Variants in SP3 observed in about 807,000 individuals in gnomAD.
The protein encoded by SP3 is Sp3 transcription factor, also known as transcription factor Sp3.
SP3 carries 10 observed loss-of-function variants against 70.3 expected under a neutral mutation model. That is an observed-to-expected ratio of 0.14 (90% CI 0.09 to 0.24). The LOEUF is 0.24. Among genes scored for constraint, SP3 ranks in the 10% least tolerant of loss-of-function variants. The probability of loss-of-function intolerance (pLI) is 1.00; values close to 1 mark genes in which losing one functional copy is unlikely to be tolerated. For missense variants in SP3, 825 were observed against 914.6 expected, an observed-to-expected ratio of 0.90 and a Z score of 1.26; for synonymous variants, 402 against 333.5, an observed-to-expected ratio of 1.21 and a Z score of -2.24.
Position 173,902,043 on chromosome 2 carries a change from C to G in SP3, c.*7898G>C, listed in dbSNP as rs1477411209. 7.2e-5 allele frequency among the ~76,000 whole-genome samples: 11 copies of G among 152,106 alleles called. No homozygotes were observed. The highest frequency in any genetic ancestry group is 7.2e-4 in the Admixed American group (11 of 15,282). On this transcript the variant is annotated 3_prime_UTR_variant, in exon 7 of 7. Transcript: ENST00000310015. ...AGTGGTCTACTATGTGAGAAGACCC[C>G]TACAGTGAGAGACTATGAGGACTAC...
At position 173,955,897 on chromosome 2, in the gene SP3, C is replaced by T; in HGVS notation, c.615G>A (p.Gln205=). 6.2e-7 allele frequency: 1 copy of T among 1,614,168 alleles called. No homozygotes were observed. Among genetic ancestry groups the T allele is most frequent in the South Asian group, 1.1e-5 (1 of 91,076 alleles). The change falls in exon 4 of 7, where the codon CAG becomes CAA. Residue 205 remains glutamine (Q), a synonymous_variant. Coordinates refer to ENST00000310015, the MANE Select transcript of SP3 (RefSeq NM_003111.5). ...GGINQESSQI[Q]IIPGSNQTLL... ...AGGTTTGATTAGAGCCAGGAATGAT[C>T]TGAATTTGACTGCTTTCTTGATTTA...
chr2:173,956,727 C>T (rs1690906613), intron 3 of SP3, among the ~76,000 whole-genome samples: 1 of 152,132 alleles, frequency 6.6e-6, no homozygotes, highest in Non-Finnish European at 1.5e-5. Context: ...ATGGCTAGGG[C>T]TATTCCATTA....
intron 4 of SP3, among the ~76,000 whole-genome samples, chr2:173,940,203 C>T (rs1280854114): frequency 1.3e-5 from 2 of 152,124 alleles, no homozygotes; most frequent in East Asian, 1.9e-4. Flanking sequence ...TCTAGGACAG[C>T]GGTCCCCAAC....
chr2:173,914,165 T>G (rs1411153855), intron 5 of SP3: 2 of 79,320 alleles, frequency 2.5e-5, no homozygotes, highest in African/African-American at 1.1e-4. Context: ...TCTCAACCTT[T>G]TAAAATAAAA....
chr2:173,907,313 CAAT>C lies in SP3; in HGVS notation c.*2625_*2627del, dbSNP rs1175938119. On this transcript the variant is annotated 3_prime_UTR_variant, in exon 7 of 7. Coordinates refer to ENST00000310015, the MANE Select transcript of SP3 (RefSeq NM_003111.5). ...GTATACCTACCCTGAGAATTATACA[CAAT>C]ACTAATAGGTTTTATAACCAGAAAA... 6.6e-6 allele frequency: 1 copy of C among 152,026 alleles called. No individual in the cohort carries two copies. The highest frequency in any genetic ancestry group is 1.5e-5 in the Non-Finnish European group (1 of 67,960). The allele number at this position is 152,026 out of a possible 1,614,324, so 9.4% of individuals were successfully genotyped here.
intron 4 of SP3, among the ~76,000 whole-genome samples, chr2:173,947,785 A>C (rs1465352972): frequency 6.6e-6 from 1 of 152,030 alleles, no homozygotes; most frequent in African/African-American, 2.4e-5. Flanking sequence ...CTTGAATACA[A>C]TTTTTTTCTT....
chr2:173,955,842 T>C lies in SP3; in HGVS notation c.670A>G (p.Ile224Val), dbSNP rs759683077. 1 of 1,614,248 alleles carries C rather than the reference T, an allele frequency of 6.2e-7. No individual in the cohort carries two copies. The highest frequency in any genetic ancestry group is 8.5e-7 in the Non-Finnish European group (1 of 1,180,034). ...LLASGTPSAN[I>V]QNLIPQTGQV... is the part of the protein sequence containing the mutation. ...CCAGTCTGTGGTATGAGATTCTGGA[T>C]GTTAGCAGAAGGTGTTCCAGAGGCA... The change falls in exon 4 of 7, where the codon ATC becomes GTC. Residue 224 changes from isoleucine (I) to valine (V), a missense_variant. Ile to Val is a conservative substitution (Grantham distance 29, BLOSUM62 3). This residue lies in a region of SP3 where 678 missense variants were observed against 651.6 expected (regional missense o/e 1.04). Coordinates refer to ENST00000310015, the MANE Select transcript of SP3 (RefSeq NM_003111.5).
intron 5 of SP3, 78 bp from the exon 6 acceptor site, chr2:173,913,344 C>T: frequency 2.8e-6 from 3 of 1,057,608 alleles, no homozygotes; most frequent in Non-Finnish European, 3.8e-6. Context: ...CATATATCCC[C>T]ATGTTGAATT....
At chr2:173,927,688 T>C (rs1689954942) in intron 4 of SP3, among the ~76,000 whole-genome samples, 1 of 152,250 alleles carries the variant, frequency 6.6e-6, no homozygotes, top group Non-Finnish European at 1.5e-5. Flanking sequence ...TTATAAAGTA[T>C]TTTAATTAAA....
At chr2:173,947,955 G>A (rs544720065) in intron 4 of SP3, among the ~76,000 whole-genome samples, 15 of 152,282 alleles carry the variant, frequency 9.9e-5, no homozygotes, top group African/African-American at 3.4e-4. Flanking sequence ...GTAAGACTGT[G>A]CTGATGTCCT....
In SP3 at chr2:173,956,216, G is replaced by A. The variant is rs770675236; in HGVS notation, c.296C>T (p.Ser99Phe). 8.1e-6 allele frequency: 13 copies of A among 1,600,956 alleles called. No homozygotes were observed. The African/African-American group carries it at 1.6e-4, about 20-fold the overall frequency. The part of the protein sequence containing the change: ...AAAGATGDLA[S>F]AQLGGAPNRW... ...GTTTGGTGCTCCTCCTAACTGTGCA[G>A]AAGCCAAATCACCTGTCTGGATGAA... is the stretch of plus-strand genomic sequence containing the variant. The change falls in exon 4 of 7, where the codon TCT becomes TTT. Residue 99 changes from serine (S) to phenylalanine (F), a missense_variant. Physicochemically the swap from Ser to Phe is radical, Grantham distance 155. Around this residue, in one of 4 missense-constraint regions of SP3, gnomAD observed 678 missense variants for 651.6 expected, o/e 1.04. Transcript: ENST00000310015.
intron 1 of SP3, chr2:173,964,963 G>A (rs1440764782): frequency 1.6e-5 from 10 of 634,270 alleles, no homozygotes; most frequent in Non-Finnish European, 2.3e-5. Context: ...CTGGCGGGGA[G>A]ACGGCGTTGC....
chr2:173,956,136 G>C lies in SP3; in HGVS notation c.376C>G (p.Leu126Val). 1.9e-6 allele frequency: 3 copies of C among 1,614,166 alleles called. No individual in the cohort carries two copies. The highest frequency in any genetic ancestry group is 2.5e-6 in the Non-Finnish European group (3 of 1,180,014). The change falls in exon 4 of 7, where the codon CTA becomes GTA. Residue 126 changes from leucine (L) to valine (V), a missense_variant. By Grantham distance (32) the Leu-to-Val change is conservative. This residue lies in a region of SP3 where 678 missense variants were observed against 651.6 expected (regional missense o/e 1.04). Coordinates refer to ENST00000310015, the MANE Select transcript of SP3 (RefSeq NM_003111.5). ...PTTIKDEAGN[L>V]VQIPSAATSS... The stretch of plus-strand genomic sequence containing the variant: ...GTAGCAGCACTTGGAATCTGGACTA[G>C]ATTACCAGCTTCATCTTTTATAGTT...
At chr2:173,926,188 T>A (rs964077954) in intron 4 of SP3, among the ~76,000 whole-genome samples, 1 of 152,184 alleles carries the variant, frequency 6.6e-6, no homozygotes, top group African/African-American at 2.4e-5. Flanking sequence ...TGTATCACAA[T>A]GTCTAGTCTA....
intron 3 of SP3, among the ~76,000 whole-genome samples, chr2:173,957,791 G>A (rs1226430808): frequency 5.3e-5 from 8 of 152,188 alleles, no homozygotes; most frequent in African/African-American, 1.4e-4. Context: ...TAAAGGCTGA[G>A]AAATTGTGGA....
chr2:173,942,124 G>A lies in SP3; in HGVS notation c.1639+12749C>T, dbSNP rs371683726. Among the ~76,000 whole-genome samples the A allele has an allele frequency of 3.9e-4, 60 of 152,312 alleles. 1 individual carries two copies. The South Asian group carries it at 0.011, about 28-fold the overall frequency. On this transcript the variant is annotated intron_variant, in intron 4 of 6. Coordinates refer to ENST00000310015, the MANE Select transcript of SP3 (RefSeq NM_003111.5). The stretch of plus-strand genomic sequence containing the variant: ...TAAGTTAGAAATTCTTAAACCAGCT[G>A]CACTTCAAAATCACTTTGGGATTTT...
intron 4 of SP3, among the ~76,000 whole-genome samples, chr2:173,935,209 T>G (rs990638226): frequency 6.6e-6 from 1 of 152,178 alleles, no homozygotes; most frequent in African/African-American, 2.4e-5. Context: ...TACTCCAGCC[T>G]GGGTGAGACA....
chr2:173,930,571 T>G (rs1402106009), intron 4 of SP3, among the ~76,000 whole-genome samples: 1 of 152,226 alleles, frequency 6.6e-6, no homozygotes, highest in African/African-American at 2.4e-5. Flanking sequence ...CAGTACCAGT[T>G]AAAATACAAT....
intron 4 of SP3, among the ~76,000 whole-genome samples, chr2:173,927,090 A>G (rs1191588925): frequency 2.0e-5 from 3 of 151,962 alleles, no homozygotes; most frequent in Non-Finnish European, 4.4e-5. Context: ...AAGAGGTGCC[A>G]CACACACTTA....
Sources: gnomAD v4.1 joint callset for allele counts (sites outside exome capture counted in the v4.1 genomes callset) on GRCh38, gnomAD v4.1.1 for gene constraint, gnomAD v4.1.1 regional missense constraint, MANE v1.5 for transcripts, NCBI Gene and HGNC (gene_info 2026-07-23, HGNC 2026-07-21) for gene names.